Variants in PTPN21 observed in about 807,000 individuals in gnomAD.
PTPN21 encodes the protein protein tyrosine phosphatase non-receptor type 21, also known as tyrosine-protein phosphatase non-receptor type 21.
In PTPN21, 77 loss-of-function variants were observed where a neutral mutation model predicts 131.8. That is an observed-to-expected ratio of 0.58 (90% CI 0.49 to 0.71). The LOEUF (loss-of-function observed/expected upper bound fraction) is 0.71. Among genes scored for constraint, PTPN21 ranks in the 30% least tolerant of loss-of-function variants. The pLI is 0.00. For missense variants in PTPN21, 1,552 were observed against 1,527.1 expected, an observed-to-expected ratio of 1.02 and a Z score of -0.27; for synonymous variants, 715 against 621.3, an observed-to-expected ratio of 1.15 and a Z score of -2.24.
chr14:88,472,028 G>C (rs373717967), intron 15 of PTPN21, among the ~76,000 whole-genome samples: 1 of 152,194 alleles, frequency 6.6e-6, no homozygotes, highest in African/African-American at 2.4e-5. Context: ...GGCTCTGTCT[G>C]ATAGACGCTT....
Position 88,469,033 on chromosome 14 carries a change from G to A in PTPN21, c.3279C>T (p.Ser1093=), listed in dbSNP as rs778354260. The change falls in exon 18 of 19, where the codon AGC becomes AGT. Residue 1093 remains serine (S), a synonymous_variant. Transcript: ENST00000556564. This position sits in a 1 kb window ranked among gnomAD's most constrained non-coding sequence, Gnocchi z 4.3. ...EIQSVRRHTN[S]TSDPQSPNPP... is the part of the protein sequence containing the mutation. ...GGTTGGGGCTTTGGGGATCACTTGT[G>A]CTATTTGTATGGCGTCGAACAGACT... 6.2e-7 allele frequency: 1 copy of A among 1,614,166 alleles called. No individual in the cohort carries two copies. The highest frequency in any genetic ancestry group is 1.7e-5 in the Admixed American group (1 of 60,024).
chr14:88,521,811 T>C (rs2139322966), intron 2 of PTPN21, among the ~76,000 whole-genome samples: 1 of 152,242 alleles, frequency 6.6e-6, no homozygotes, highest in East Asian at 1.9e-4. Flanking sequence ...CTGTTCCAAA[T>C]ACAAAAACAG....
At chr14:88,494,514 C>G (rs569215109) in intron 10 of PTPN21, among the ~76,000 whole-genome samples, 1 of 151,856 alleles carries the variant, frequency 6.6e-6, no homozygotes, top group East Asian at 2.0e-4. Context: ...TAAAAAACAC[C>G]AAAAAATTAA....
intron 13 of PTPN21, among the ~76,000 whole-genome samples, chr14:88,478,627 T>C (rs748492102): frequency 3.9e-5 from 6 of 152,280 alleles, no homozygotes; most frequent in Non-Finnish European, 7.3e-5. Flanking sequence ...CCCTTAACAG[T>C]GCATTACTAA....
chr14:88,504,719 G>A (rs1479934972), intron 5 of PTPN21, among the ~76,000 whole-genome samples: 2 of 151,972 alleles, frequency 1.3e-5, no homozygotes, highest in African/African-American at 4.8e-5. Context: ...CAATTCCAGG[G>A]AAAGTTTCAG....
In PTPN21 at chr14:88,470,039, A is replaced by T. The variant is rs373194685; in HGVS notation, c.2883T>A (p.Ser961Arg). The part of the protein sequence containing the change: ...INASHIKVSV[S>R]GIEWDYIATQ... Reference sequence around the variant, plus strand: ...TGGCAATATAATCCCATTCGATTCCACTGACAGAGACCTGGGATTAGAAAA... The same window carrying T: ...TGGCAATATAATCCCATTCGATTCCTCTGACAGAGACCTGGGATTAGAAAA... The change falls in exon 16 of 19, where the codon AGT becomes AGA. Residue 961 changes from serine to arginine, a missense_variant. By Grantham distance (110) the Ser-to-Arg change is moderately radical (BLOSUM62 -1). Transcript: ENST00000556564. 8 of 1,612,946 alleles carry T rather than the reference A, an allele frequency of 5.0e-6. No homozygotes were observed. The African/African-American group carries it at 8.0e-5, about 16-fold the overall frequency.
At chr14:88,506,760 A>G (rs2078096504) in intron 4 of PTPN21, among the ~76,000 whole-genome samples, 1 of 152,112 alleles carries the variant, frequency 6.6e-6, no homozygotes, top group Admixed American at 6.5e-5. Flanking sequence ...ATGTAACCAT[A>G]GCCAGCCACG....
At chr14:88,471,005 AC>A (rs2077456948) in intron 15 of PTPN21, among the ~76,000 whole-genome samples, 1 of 152,206 alleles carries the variant, frequency 6.6e-6, no homozygotes. Context: ...TCACTACAGA[AC>A]TACAGTATCA....
At chr14:88,531,506 G>A (rs542279728) in intron 2 of PTPN21, among the ~76,000 whole-genome samples, 4 of 152,174 alleles carry the variant, frequency 2.6e-5, no homozygotes, top group East Asian at 1.9e-4. Flanking sequence ...GTGGTAAGCC[G>A]AGATTGCGCC....
At chr14:88,525,942 A>G (rs1193128284) in intron 2 of PTPN21, among the ~76,000 whole-genome samples, 1 of 152,236 alleles carries the variant, frequency 6.6e-6, no homozygotes, top group Non-Finnish European at 1.5e-5. Context: ...AAAAGCAGCC[A>G]GAAGACAAAA....
intron 3 of PTPN21, among the ~76,000 whole-genome samples, chr14:88,508,793 T>C (rs1166268158): frequency 2.6e-5 from 4 of 152,222 alleles, no homozygotes; most frequent in Admixed American, 2.6e-4. Flanking sequence ...GATATTAAAA[T>C]GTTTCTGATG....
intron 10 of PTPN21, among the ~76,000 whole-genome samples, chr14:88,495,131 A>C (rs1485687871): frequency 6.6e-6 from 1 of 151,784 alleles, no homozygotes; most frequent in Non-Finnish European, 1.5e-5. Context: ...GAAGGCACAG[A>C]AACAGGAAAG....
chr14:88,521,644 T>G (rs2078395619), intron 2 of PTPN21, among the ~76,000 whole-genome samples: 1 of 150,134 alleles, frequency 6.7e-6, no homozygotes, highest in Non-Finnish European at 1.5e-5. Flanking sequence ...AACTCCTGAC[T>G]TCATGATCTG....
At chr14:88,503,106 G>C (rs1200069305) in intron 6 of PTPN21, among the ~76,000 whole-genome samples, 3 of 150,190 alleles carry the variant, frequency 2.0e-5, no homozygotes, top group African/African-American at 7.4e-5. Context: ...CACGATCTCA[G>C]CTCACTGCAA....
chr14:88,516,085 A>G (rs996792206), intron 3 of PTPN21, among the ~76,000 whole-genome samples: 24 of 152,214 alleles, frequency 1.6e-4, no homozygotes, highest in African/African-American at 5.8e-4. Context: ...ACTGTGTAAG[A>G]TATCATTAAG....
chr14:88,509,325 G>A (rs80019632), intron 3 of PTPN21, among the ~76,000 whole-genome samples: 1,528 of 152,274 alleles, frequency 0.01, 12 homozygotes, highest in African/African-American at 0.035. Context: ...ACTGTCCTCC[G>A]TATCTGGTGC....
At chr14:88,529,681 C>G (rs1469794825) in intron 2 of PTPN21, among the ~76,000 whole-genome samples, 1 of 152,024 alleles carries the variant, frequency 6.6e-6, no homozygotes, top group Non-Finnish European at 1.5e-5. Flanking sequence ...AAAGTCAAGA[C>G]AGAGGAAAGA....
At chr14:88,528,585 G>A (rs964294215) in intron 2 of PTPN21, among the ~76,000 whole-genome samples, 2 of 152,196 alleles carry the variant, frequency 1.3e-5, no homozygotes, top group African/African-American at 4.8e-5. Context: ...GGGACCTGGT[G>A]GGAGGTAACT....
chr14:88,471,856 T>G (rs368802038), intron 15 of PTPN21, among the ~76,000 whole-genome samples: 1 of 151,424 alleles, frequency 6.6e-6, no homozygotes, highest in Non-Finnish European at 1.5e-5. Context: ...TAGGGAGCCA[T>G]GATCATACCA....
Sources: allele counts gnomAD v4.1 joint callset (sites outside exome capture counted in the v4.1 genomes callset), GRCh38; gene constraint gnomAD v4.1.1; non-coding constraint Gnocchi (gnomAD v3.1); transcripts MANE v1.5; gene names NCBI Gene and HGNC (gene_info 2026-07-23, HGNC 2026-07-21).